Variants in EMILIN2 observed in about 807,000 individuals in gnomAD.
EMILIN2 encodes the protein EMILIN-2.
In EMILIN2, 71 loss-of-function variants were observed where a neutral mutation model predicts 87.1. The ratio of observed to expected loss-of-function variants is 0.82; its 90% confidence interval spans 0.67 to 0.99. EMILIN2 has a LOEUF of 0.99. Among genes scored for constraint, EMILIN2 ranks in the 50% least tolerant of loss-of-function variants. The pLI is 0.00. For synonymous variants in EMILIN2, 581 were observed against 563.4 expected (o/e 1.03, Z -0.44); for missense variants, 1,407 against 1,371.8 (o/e 1.03, Z -0.40).
intron 3 of EMILIN2, among the ~76,000 whole-genome samples, chr18:2,889,271 G>A (rs776904513): frequency 1.9e-4 from 28 of 151,278 alleles, no homozygotes; most frequent in Middle Eastern, 3.4e-3. Context: ...CCTAGTAGCT[G>A]GGATTACAGG....
chr18:2,879,832 A>C (rs1049380456), intron 2 of EMILIN2, among the ~76,000 whole-genome samples: 26 of 152,084 alleles, frequency 1.7e-4, no homozygotes, highest in African/African-American at 5.8e-4. Context: ...CAGCCTCCCA[A>C]GTAGCTGGGA....
chr18:2,905,471 A>T (rs952611954), intron 4 of EMILIN2, among the ~76,000 whole-genome samples: 2 of 152,026 alleles, frequency 1.3e-5, no homozygotes, highest in Non-Finnish European at 2.9e-5. Context: ...TACCCAAAGC[A>T]TGTGCCATTT....
chr18:2,883,625 C>T (rs1175007533), intron 2 of EMILIN2, among the ~76,000 whole-genome samples: 1 of 152,180 alleles, frequency 6.6e-6, no homozygotes, highest in African/African-American at 2.4e-5. Flanking sequence ...CTGGTGAGCC[C>T]GGGACTGCAG....
At chr18:2,862,150 T>G (rs2076664131) in intron 2 of EMILIN2, among the ~76,000 whole-genome samples, 1 of 152,178 alleles carries the variant, frequency 6.6e-6, no homozygotes, top group South Asian at 2.1e-4. Context: ...CAGTGGGGTT[T>G]TCTAGATATA....
At chr18:2,861,951 T>C (rs916721798) in intron 2 of EMILIN2, among the ~76,000 whole-genome samples, 1 of 152,118 alleles carries the variant, frequency 6.6e-6, no homozygotes, top group African/African-American at 2.4e-5. Context: ...TCCTTCACAA[T>C]CCTTGTAAGT....
At chr18:2,868,167 T>TCTC (rs1486026494) in intron 2 of EMILIN2, among the ~76,000 whole-genome samples, 1 of 148,814 alleles carries the variant, frequency 6.7e-6, no homozygotes, top group Non-Finnish European at 1.5e-5. Context: ...TCAGACGGGG[T>TCTC]GGCTGGGCAG....
intron 7 of EMILIN2, among the ~76,000 whole-genome samples, chr18:2,911,706 G>A (rs894455935): frequency 5.3e-5 from 8 of 152,316 alleles, no homozygotes; most frequent in South Asian, 2.1e-4. Flanking sequence ...GGGATGGTTC[G>A]TCTGCTTGGA....
At chr18:2,913,013 G>T in intron 7 of EMILIN2, 54 bp from the exon 8 acceptor site, 1 of 1,582,466 alleles carries the variant, frequency 6.3e-7, no homozygotes, top group Non-Finnish European at 8.6e-7. Context: ...TTACTACCAT[G>T]GCAAGGGCTG....
chr18:2,889,048 A>G (rs571734414), intron 3 of EMILIN2, among the ~76,000 whole-genome samples: 1 of 151,120 alleles, frequency 6.6e-6, no homozygotes, highest in South Asian at 2.1e-4. Context: ...ATGTCTCACT[A>G]TAGTTGCCAG....
In EMILIN2 at chr18:2,915,416, G is replaced by T. The variant is rs1317606522; in HGVS notation, c.*2012G>T. 1 of 152,234 alleles carries T rather than the reference G, an allele frequency of 6.6e-6. No individual in the cohort carries two copies. Among genetic ancestry groups the T allele is most frequent in the Non-Finnish European group, 1.5e-5 (1 of 68,080 alleles). The allele number at this position is 152,234 out of a possible 1,614,324, so 9.4% of individuals were successfully genotyped here. On this transcript the variant is annotated 3_prime_UTR_variant, in exon 8 of 8. Transcript: ENST00000254528. The stretch of plus-strand genomic sequence containing the variant: ...AACAAGGTCAGCTGAGCTTAAGGCT[G>T]TGGGGTTCGAAGCAGCCCTTCAAGA...
chr18:2,890,247 A>T lies in EMILIN2; in HGVS notation c.434-314A>T, dbSNP rs2144035807. Among the ~76,000 whole-genome samples, 1 of 152,348 alleles carries T rather than the reference A, an allele frequency of 6.6e-6. No individual in the cohort carries two copies. The highest frequency in any genetic ancestry group is 1.9e-4 in the East Asian group (1 of 5,188). On this transcript the variant is annotated intron_variant, in intron 3 of 7. Transcript: ENST00000254528. This position sits in a 1 kb window ranked among gnomAD's most constrained non-coding sequence, Gnocchi z 4.7. ...TGAAAGAGACCATTGATTATCTAAT[A>T]GGTGTCATGTACATATTATTTTAAC...
intron 7 of EMILIN2, among the ~76,000 whole-genome samples, chr18:2,911,354 G>C (rs2076940060): frequency 6.6e-6 from 1 of 152,186 alleles, no homozygotes; most frequent in Non-Finnish European, 1.5e-5. Flanking sequence ...TCCTGTACCA[G>C]TCAAGTGTTC....
chr18:2,911,676 T>C (rs1416020675), intron 7 of EMILIN2, among the ~76,000 whole-genome samples: 2 of 152,234 alleles, frequency 1.3e-5, no homozygotes, highest in Non-Finnish European at 2.9e-5. Flanking sequence ...CCCAGGTCAC[T>C]CTGCACTGCC....
At chr18:2,863,738 A>G (rs1160941479) in intron 2 of EMILIN2, among the ~76,000 whole-genome samples, 3 of 152,116 alleles carry the variant, frequency 2.0e-5, no homozygotes, top group Non-Finnish European at 4.4e-5. Flanking sequence ...TATTAGGTCC[A>G]CTTGGTGCAG....
Position 2,891,818 on chromosome 18 carries a change from T to C in EMILIN2, c.1691T>C (p.Met564Thr), listed in dbSNP as rs765300885. 8 of 1,614,086 alleles carry C rather than the reference T, an allele frequency of 5.0e-6. No individual in the cohort carries two copies. In the South Asian group the frequency reaches 8.8e-5, roughly 18 times the overall value. The change falls in exon 4 of 8, where the codon ATG becomes ACG. Residue 564 changes from methionine to threonine, a missense_variant. Coordinates refer to ENST00000254528, the MANE Select transcript of EMILIN2 (RefSeq NM_032048.3). The surrounding 1 kb of genome is among the most constrained non-coding windows in gnomAD (Gnocchi z 4.6). Reference protein sequence around the residue: ...LLNIQGKPHGMEGALPNREDR... With the variant: ...LLNIQGKPHGTEGALPNREDR... ...AACATCCAGGGAAAGCCTCATGGGA[T>C]GGAAGGTGCCTTGCCAAACAGGGAA...
At position 2,915,035 on chromosome 18, in the gene EMILIN2, C is replaced by T. The variant is rs1176961041; in HGVS notation, c.*1631C>T. On this transcript the variant is annotated 3_prime_UTR_variant, in exon 8 of 8. Transcript: ENST00000254528. ...AGTGGGCACGCGCCATCGCCCTCTC[C>T]TCTCCTCTCACGCTCCTTTTGAAAA... is the stretch of plus-strand genomic sequence containing the variant. 6.6e-6 allele frequency: 1 copy of T among 152,240 alleles called. No homozygotes were observed. The highest frequency in any genetic ancestry group is 1.9e-4 in the East Asian group (1 of 5,170). The allele number at this position is 152,240 out of a possible 1,614,324, so 9.4% of individuals were successfully genotyped here.
chr18:2,891,578 G>A lies in EMILIN2; in HGVS notation c.1451G>A (p.Gly484Asp), dbSNP rs1183794588. The change falls in exon 4 of 8, where the codon GGT (glycine) becomes GAT (aspartate). Residue 484 changes from glycine to aspartate, a missense_variant. By Grantham distance (94) the Gly-to-Asp change is moderately conservative (BLOSUM62 -1). Coordinates refer to ENST00000254528, the MANE Select transcript of EMILIN2 (RefSeq NM_032048.3). This position sits in a 1 kb window ranked among gnomAD's most constrained non-coding sequence, Gnocchi z 4.6. ...TLRGAINGEV[G>D]DLKQLVDQKI... ...CGGGGCGCCATTAATGGAGAGGTGGGTGACTTGAAGCAGCTTGTTGATCAG... is the reference window on the plus strand; with the variant it reads ...CGGGGCGCCATTAATGGAGAGGTGGATGACTTGAAGCAGCTTGTTGATCAG... 4 of 1,613,974 alleles carry A rather than the reference G, an allele frequency of 2.5e-6. No individual in the cohort carries two copies. Among genetic ancestry groups the A allele is most frequent in the South Asian group, 1.1e-5 (1 of 91,086 alleles).
intron 2 of EMILIN2, among the ~76,000 whole-genome samples, chr18:2,861,500 C>T (rs1301519162): frequency 6.6e-6 from 1 of 152,170 alleles, no homozygotes; most frequent in East Asian, 1.9e-4. Flanking sequence ...ATCCTTTCCC[C>T]ATTGCTTGTT....
rs1056960580 is a variant in EMILIN2 at position 2,880,616 on chromosome 18, G to A, written c.258-4348G>A. 6.6e-5 allele frequency among the ~76,000 whole-genome samples: 10 copies of A among 152,216 alleles called. No homozygotes were observed. The highest frequency in any genetic ancestry group is 8.8e-5 in the Non-Finnish European group (6 of 68,034). ...GCCGAGTCCGCCCCTCCAGCGCTGC[G>A]CAGCCCCGCCGCCTTAACTTTTCCT... On this transcript the variant is annotated intron_variant, in intron 2 of 7. Coordinates refer to ENST00000254528, the MANE Select transcript of EMILIN2 (RefSeq NM_032048.3). The surrounding 1 kb of genome is among the most constrained non-coding windows in gnomAD (Gnocchi z 4.1).
Sources: allele counts gnomAD v4.1 joint callset (sites outside exome capture counted in the v4.1 genomes callset), GRCh38; gene constraint gnomAD v4.1.1; non-coding constraint Gnocchi (gnomAD v3.1); transcripts MANE v1.5; gene names NCBI Gene and HGNC (gene_info 2026-07-23, HGNC 2026-07-21).